The following AGO1 variants were observed in gnomAD, a reference collection of about 807,000 sequenced individuals.
AGO1 encodes the protein protein argonaute-1.
AGO1 carries 11 observed loss-of-function variants against 109.2 expected under a neutral mutation model. That is an observed-to-expected ratio of 0.10 (90% CI 0.06 to 0.17). The LOEUF is 0.17. Among genes scored for constraint, AGO1 ranks in the 10% least tolerant of loss-of-function variants. AGO1 has a pLI of 1.00. For missense variants in AGO1, 574 were observed against 1,140.3 expected (o/e 0.50, Z 7.15); for synonymous variants, 422 against 418.6 (o/e 1.01, Z -0.10).
chr1:35,902,656 A>T (rs1026478293), intron 11 of AGO1, among the ~76,000 whole-genome samples: 1 of 152,222 alleles, frequency 6.6e-6, no homozygotes, highest in Admixed American at 6.5e-5. Flanking sequence ...CGCCAAAATT[A>T]TACTTAAGTA....
At chr1:35,891,959 C>T (rs984554719) in intron 2 of AGO1, among the ~76,000 whole-genome samples, 1 of 151,940 alleles carries the variant, frequency 6.6e-6, no homozygotes, top group Non-Finnish European at 1.5e-5. Context: ...CTCACTGTAA[C>T]CCCAAACTCC....
At chr1:35,878,242 C>T (rs771210501), upstream of AGO1, among the ~76,000 whole-genome samples, 17 of 151,852 alleles carry the variant, frequency 1.1e-4, no homozygotes, top group Admixed American at 4.6e-4. Flanking sequence ...CACCACCATG[C>T]CTGGCTAATT....
At position 35,907,032 on chromosome 1, in the gene AGO1, G is replaced by T. The variant is rs998417309; in HGVS notation, c.1495G>T (p.Val499Leu). The T allele has an allele frequency of 6.2e-7, 1 of 1,614,130 alleles. No homozygotes were observed. The highest frequency in any genetic ancestry group is 8.5e-7 in the Non-Finnish European group (1 of 1,180,026). ...CAAATATGCACAGGGGGCAGACAGC[G>T]TGGAGCCTATGTTCCGGCATCTCAA... Reference protein sequence around the residue: ...FCKYAQGADSVEPMFRHLKNT... With the variant: ...FCKYAQGADSLEPMFRHLKNT... The change falls in exon 12 of 19, where the codon GTG becomes TTG. Residue 499 changes from valine to leucine, a missense_variant. Around this residue, in one of 8 missense-constraint regions of AGO1, gnomAD observed 68 missense variants for 200.2 expected, o/e 0.34. Coordinates refer to ENST00000373204, the MANE Select transcript of AGO1 (RefSeq NM_012199.5).
In AGO1 at chr1:35,919,698, G is replaced by A; in HGVS notation, c.*91G>A. 3 of 1,265,616 alleles carry A rather than the reference G, an allele frequency of 2.4e-6. No individual in the cohort carries two copies. The highest frequency in any genetic ancestry group is 3.3e-6 in the Non-Finnish European group (3 of 902,658). 78.4% of individuals were successfully genotyped at this position (1,265,616 alleles called of 1,614,324 possible). The stretch of plus-strand genomic sequence containing the variant: ...AAATCCAGAGGAAGCAAGGAGGAGG[G>A]AGGTGGGGTAGGGAGGAGTGTAGGA... On this transcript the variant is annotated 3_prime_UTR_variant, in exon 19 of 19. Coordinates refer to ENST00000373204, the MANE Select transcript of AGO1 (RefSeq NM_012199.5). The surrounding 1 kb of genome is among the most constrained non-coding windows in gnomAD (Gnocchi z 6.6).
Position 35,901,276 on chromosome 1 carries a change from C to T in AGO1, c.1021-198C>T, listed in dbSNP as rs112711758. 5.2e-3 allele frequency among the ~76,000 whole-genome samples: 789 copies of T among 152,240 alleles called. 3 individuals are homozygous for T. The highest frequency in any genetic ancestry group is 9.4e-3 in the African/African-American group (392 of 41,558). ...ATGAGCCACCATGCCCGGCCTGAAT[C>T]GCCTTTTACAATGCACACGAATATT... On this transcript the variant is annotated intron_variant, in intron 8 of 18. Transcript: ENST00000373204. The surrounding 1 kb of genome is among the most constrained non-coding windows in gnomAD (Gnocchi z 4.8).
intron 11 of AGO1, among the ~76,000 whole-genome samples, chr1:35,906,240 C>G (rs1335328046): frequency 6.6e-6 from 1 of 152,188 alleles, no homozygotes; most frequent in Admixed American, 6.5e-5. Flanking sequence ...TACTGAGCAT[C>G]TCTTGTGCTC....
intron 12 of AGO1, among the ~76,000 whole-genome samples, chr1:35,912,607 C>G (rs537612260): frequency 7.9e-5 from 12 of 152,112 alleles, no homozygotes; most frequent in Admixed American, 6.5e-4. Flanking sequence ...GAGTCTTGCT[C>G]TGTCACCCAG....
chr1:35,918,613 T>C (rs1207415472), intron 17 of AGO1, among the ~76,000 whole-genome samples, 190 bp downstream of exon 17: 1 of 152,234 alleles, frequency 6.6e-6, no homozygotes, highest in Non-Finnish European at 1.5e-5. Flanking sequence ...AGTGGCACAA[T>C]TTCAGCTAAC....
At chr1:35,896,740 G>C (rs531075315) in intron 8 of AGO1, among the ~76,000 whole-genome samples, 24 of 152,172 alleles carry the variant, frequency 1.6e-4, no homozygotes, top group Non-Finnish European at 2.8e-4. Context: ...TAGGATTTCA[G>C]AACTAACCTG....
intron 3 of AGO1, 152 bp from the exon 4 acceptor site, chr1:35,892,945 G>A: frequency 1.1e-6 from 1 of 889,842 alleles, no homozygotes; most frequent in Non-Finnish European, 1.7e-6. Context: ...CTGAGCCAAG[G>A]TGGCTAGAAC....
rs762965113 is a variant in AGO1 at position 35,888,554 on chromosome 1, C to T, written c.153C>T (p.Asp51=). Residue 51 remains aspartate, a synonymous_variant, in exon 2 of 19, where the codon GAC becomes GAT. Transcript: ENST00000373204. This position sits in a 1 kb window ranked among gnomAD's most constrained non-coding sequence, Gnocchi z 4.1. ...TTGAGGTGGACATCCCTAAGATCGA[C>T]GTGTACCACTACGAGGTGGACATCA... ...NYFEVDIPKI[D]VYHYEVDIKP... The T allele has an allele frequency of 1.2e-5, 20 of 1,614,094 alleles. No homozygotes were observed. Among genetic ancestry groups the T allele is most frequent in the East Asian group, 4.5e-5 (2 of 44,896 alleles).
At chr1:35,874,779 A>C (rs898758666) in intron 1 of AGO1, among the ~76,000 whole-genome samples, 3 of 152,238 alleles carry the variant, frequency 2.0e-5, no homozygotes, top group Non-Finnish European at 4.4e-5. Context: ...GGAAATTAAG[A>C]GTGCTAATCC....
intron 12 of AGO1, among the ~76,000 whole-genome samples, chr1:35,909,579 A>G (rs955300228): frequency 6.6e-6 from 1 of 152,140 alleles, no homozygotes; most frequent in African/African-American, 2.4e-5. Context: ...TTTAATACCC[A>G]GTTTAAATAC....
In AGO1 at chr1:35,930,013, A is replaced by C. The variant is rs542295369; in HGVS notation, c.*10406A>C. The C allele has an allele frequency of 3.8e-3, 579 of 152,348 alleles. 5 individuals are homozygous for C. The highest frequency in any genetic ancestry group is 0.013 in the African/African-American group (561 of 41,572). 9.4% of individuals were successfully genotyped at this position (152,348 alleles called of 1,614,324 possible). ...CTTTAAAAAATTATTTTGATTAAAA[A>C]AAACCGTATTACTGAAGCATAGGGA... is the stretch of plus-strand genomic sequence containing the variant. On this transcript the variant is annotated 3_prime_UTR_variant, in exon 19 of 19. Transcript: ENST00000373204.
intron 8 of AGO1, 150 bp downstream of exon 8, chr1:35,895,419 T>TA (rs1425533361): frequency 2.3e-6 from 2 of 880,788 alleles, no homozygotes; most frequent in Non-Finnish European, 3.3e-6. Flanking sequence ...GCCTCATTCT[T>TA]ACCTGCTAAG....
rs1340195600 is a variant in AGO1 at position 35,883,813 on chromosome 1, G to C, written c.25+367G>C. On this transcript the variant is annotated intron_variant, in intron 1 of 18. Transcript: ENST00000373204. The surrounding 1 kb of genome is among the most constrained non-coding windows in gnomAD (Gnocchi z 5.4). Reference sequence around the variant, plus strand: ...GGAGGGGGCGACACAGATGGGCCTGGAGCTACCGCATGCCGGGGGCGGGGG... The same window carrying C: ...GGAGGGGGCGACACAGATGGGCCTGCAGCTACCGCATGCCGGGGGCGGGGG... Among the ~76,000 whole-genome samples, 1 of 152,208 alleles carries C rather than the reference G, an allele frequency of 6.6e-6. No individual in the cohort carries two copies. Among genetic ancestry groups the C allele is most frequent in the Non-Finnish European group, 1.5e-5 (1 of 68,028 alleles).
At chr1:35,897,908 C>T (rs1645346862) in intron 8 of AGO1, among the ~76,000 whole-genome samples, 1 of 152,124 alleles carries the variant, frequency 6.6e-6, no homozygotes, top group Non-Finnish European at 1.5e-5. Context: ...AGTTATGCAC[C>T]ATTCGTTCTC....
At chr1:35,902,721 A>G (rs1557613058) in intron 11 of AGO1, among the ~76,000 whole-genome samples, 1 of 152,196 alleles carries the variant, frequency 6.6e-6, no homozygotes, top group Non-Finnish European at 1.5e-5. Flanking sequence ...TGATATGTCC[A>G]TTTTCAGGAG....
Position 35,888,295 on chromosome 1 carries a change from C to A in AGO1, c.26-132C>A. The A allele has an allele frequency of 1.2e-6, 1 of 854,588 alleles. No individual in the cohort carries two copies. Among genetic ancestry groups the A allele is most frequent in the Non-Finnish European group, 1.8e-6 (1 of 559,400 alleles). 52.9% of individuals were successfully genotyped at this position (854,588 alleles called of 1,614,324 possible). A position where few individuals can be genotyped will look rare whatever the true frequency, so the allele number is the denominator to read the frequency against. ...TGAGATGTCCCCTGGAAGCCCTTGG[C>A]TGGGTTGGGTAGCAGGAAAGAGGCA... On this transcript the variant is annotated intron_variant, in intron 1 of 18. Transcript: ENST00000373204. The surrounding 1 kb of genome is among the most constrained non-coding windows in gnomAD (Gnocchi z 4.1).
Sources: gnomAD v4.1 joint callset for allele counts (sites outside exome capture counted in the v4.1 genomes callset) on GRCh38, gnomAD v4.1.1 for gene constraint, gnomAD v4.1.1 regional missense constraint, Gnocchi (gnomAD v3.1) non-coding constraint, MANE v1.5 for transcripts, NCBI Gene and HGNC (gene_info 2026-07-23, HGNC 2026-07-21) for gene names.